Variants in AP1S2 observed in about 807,000 individuals in gnomAD.
The protein encoded by AP1S2 is adaptor related protein complex 1 subunit sigma 2.
In AP1S2, 1 loss-of-function variant was observed where a neutral mutation model predicts 14.3. That is an observed-to-expected ratio of 0.07 (90% confidence interval 0.02 to 0.33). The LOEUF (loss-of-function observed/expected upper bound fraction) is 0.33, where lower values mean the gene tolerates loss of function less well. AP1S2 is among the 10% of genes least tolerant of loss of function. AP1S2 has a pLI of 0.99. For missense variants in AP1S2, 30 were observed against 117.7 expected (o/e 0.25, Z 3.45); for synonymous variants, 30 against 40.5 (o/e 0.74, Z 0.99).
intron 2 of AP1S2, 124 bp downstream of exon 2, chrX:15,852,222 T>G: frequency 1.5e-6 from 1 of 668,082 alleles, no homozygotes; most frequent in South Asian, 2.8e-5. Context: ...AAGCTTTACC[T>G]TAAACCTATT....
In AP1S2 at chrX:15,827,323, A is replaced by T. The variant is rs1392385439; in HGVS notation, c.*2T>A. On this transcript the variant is annotated 3_prime_UTR_variant, in exon 6 of 6. Transcript: ENST00000672987. ...CAAGAAGTCATCAACAAGGGAGGAGAGTTATGTCAGTCCAATTTCTTCAAG... is the reference window on the plus strand; with the variant it reads ...CAAGAAGTCATCAACAAGGGAGGAGTGTTATGTCAGTCCAATTTCTTCAAG... 3.3e-6 allele frequency: 4 copies of T among 1,205,493 alleles called. No homozygotes were observed. In the Middle Eastern group the frequency reaches 6.9e-4, roughly 209 times the overall value.
chrX:15,840,720 C>T (rs1031661678), intron 4 of AP1S2: 17 of 279,873 alleles, frequency 6.1e-5, no homozygotes, highest in African/African-American at 3.7e-4. Flanking sequence ...CCACCCCCCA[C>T]CATATCCCTC....
At chrX:15,844,665 G>A (rs1029275549) in intron 4 of AP1S2, among the ~76,000 whole-genome samples, 35 of 112,227 alleles carry the variant, frequency 3.1e-4, no homozygotes, top group Non-Finnish European at 5.1e-4. Flanking sequence ...GAAATGTTAA[G>A]CTTCAGAAAT....
At chrX:15,848,238 A>G (rs761484262) in intron 2 of AP1S2, among the ~76,000 whole-genome samples, 56 of 111,904 alleles carry the variant, frequency 5.0e-4, no homozygotes, top group African/African-American at 1.8e-3. Context: ...CAGAAACATA[A>G]TAATTAAGTA....
chrX:15,834,857 T>A (rs1200479706), intron 4 of AP1S2, among the ~76,000 whole-genome samples: 1 of 109,836 alleles, frequency 9.1e-6, no homozygotes, highest in Non-Finnish European at 1.9e-5. Flanking sequence ...TTCCCCTGCA[T>A]GAAGAAAAAT....
chrX:15,834,481 A>T (rs368318366), intron 4 of AP1S2, among the ~76,000 whole-genome samples: 997 of 12,880 alleles, frequency 0.077, 21 homozygotes, highest in Non-Finnish European at 0.097. Flanking sequence ...TATATATATA[A>T]TTTTTTTTTT....
At chrX:15,842,691 C>CGATG (rs967522205) in intron 4 of AP1S2, among the ~76,000 whole-genome samples, 3 of 112,187 alleles carry the variant, frequency 2.7e-5, no homozygotes, top group African/African-American at 9.7e-5. Context: ...ACCAACCATA[C>CGATG]TCATCCTATG....
chrX:15,847,615 A>G (rs1934039587), intron 2 of AP1S2, among the ~76,000 whole-genome samples: 1 of 112,227 alleles, frequency 8.9e-6, no homozygotes, highest in Admixed American at 9.4e-5. Context: ...ATCAATGCCA[A>G]CTTTAACAAA....
rs779620700 is a variant in AP1S2, at chrX:15,851,115, TAAAAC to T, written c.179+1226_179+1230del. Among the ~76,000 whole-genome samples, 784 of 111,574 alleles carry T rather than the reference TAAAAC, an allele frequency of 7.0e-3. 2 individuals carry two copies. The highest frequency in any genetic ancestry group is 0.011 in the Non-Finnish European group (560 of 53,125). ...GGTTCTACCCATGGGGCAAAAAGCT[TAAAAC>T]AAAACAAAACAAAACAAAATCACCT... On this transcript the variant is annotated intron_variant, in intron 2 of 5. Transcript: ENST00000672987.
At chrX:15,835,702 G>A (rs1169769139) in intron 4 of AP1S2, among the ~76,000 whole-genome samples, 1 of 111,055 alleles carries the variant, frequency 9.0e-6, no homozygotes, top group African/African-American at 3.3e-5. Flanking sequence ...TTTACGTGCT[G>A]AAACTTTATT....
rs978676009 is a variant in AP1S2, at chrX:15,828,280, A to G, written c.427-80T>C. On this transcript the variant is annotated intron_variant, in intron 4 of 5. Coordinates refer to ENST00000672987, the MANE Select transcript of AP1S2 (RefSeq NM_001272071.2). ...TCTTTAGAATATTAATTGCATGTAAAGCACTTCATGGTGTAATCTTAAGTA... is the reference window on the plus strand; with the variant it reads ...TCTTTAGAATATTAATTGCATGTAAGGCACTTCATGGTGTAATCTTAAGTA... 3.9e-6 allele frequency: 3 copies of G among 773,604 alleles called. No homozygotes were observed. The Admixed American group carries it at 1.1e-4, about 30-fold the overall frequency. The allele number at this position is 773,604 out of a possible 1,213,427, so 63.8% of individuals were successfully genotyped here. A position where few individuals can be genotyped will look rare whatever the true frequency, so the allele number is the denominator to read the frequency against.
rs1933470652 is a variant in AP1S2, at chrX:15,832,629, T to C, written c.427-4429A>G. ...TTTCTCACAGAAGCTCTCATTTTCA[T>C]AGGGAAATTCTTCTGTATCAATGGC... On this transcript the variant is annotated intron_variant, in intron 4 of 5. Coordinates refer to ENST00000672987, the MANE Select transcript of AP1S2 (RefSeq NM_001272071.2). The C allele has an allele frequency of 2.1e-5, 16 of 761,898 alleles. No homozygotes were observed. In the South Asian group the frequency reaches 8.3e-4, roughly 39 times the overall value. The allele number at this position is 761,898 out of a possible 1,213,427, so 62.8% of individuals were successfully genotyped here. A position where few individuals can be genotyped will look rare whatever the true frequency, so the allele number is the denominator to read the frequency against.
intron 4 of AP1S2, chrX:15,830,026 T>C: frequency 2.9e-6 from 2 of 684,268 alleles, no homozygotes; most frequent in Non-Finnish European, 1.7e-6. Flanking sequence ...TTATGAGGGA[T>C]GGAAAAGAAA....
At position 15,846,384 on chromosome X, in the gene AP1S2, C is replaced by G. The variant is rs142652104; in HGVS notation, c.180-373G>C. Among the ~76,000 whole-genome samples the G allele has an allele frequency of 4.6e-4, 52 of 111,832 alleles. 1 individual carries two copies. In the East Asian group the frequency reaches 0.013, roughly 28 times the overall value. ...TGTAAGTACAGAGAAGAAAACAAAC[C>G]TTCCAACTGAAGGAGGACTTGTTGA... is the stretch of plus-strand genomic sequence containing the variant. On this transcript the variant is annotated intron_variant, in intron 2 of 5. Coordinates refer to ENST00000672987, the MANE Select transcript of AP1S2 (RefSeq NM_001272071.2).
At position 15,854,763 on chromosome X, in the gene AP1S2, G is replaced by T. The variant is rs983855489; in HGVS notation, c.-76C>A. The stretch of plus-strand genomic sequence containing the variant: ...CGGCGAAGGGGAAGCCCCTGTCGCC[G>T]TGCTGAGGAAGAGAAGCCGTGGTGC... On this transcript the variant is annotated 5_prime_UTR_variant, in exon 1 of 6. Coordinates refer to ENST00000672987, the MANE Select transcript of AP1S2 (RefSeq NM_001272071.2). 3 of 816,983 alleles carry T rather than the reference G, an allele frequency of 3.7e-6. No homozygotes were observed. The highest frequency in any genetic ancestry group is 4.4e-6 in the Non-Finnish European group (3 of 676,807). 67.3% of individuals were successfully genotyped at this position (816,983 alleles called of 1,213,427 possible). A position where few individuals can be genotyped will look rare whatever the true frequency, so the allele number is the denominator to read the frequency against.
intron 5 of AP1S2, among the ~76,000 whole-genome samples, chrX:15,827,583 CCTG>C (rs1404526644): frequency 8.9e-6 from 1 of 111,835 alleles, no homozygotes; most frequent in African/African-American, 3.2e-5. Flanking sequence ...TCATTAAGTA[CCTG>C]CTAATTACCT....
intron 4 of AP1S2, among the ~76,000 whole-genome samples, chrX:15,834,446 A>G (rs1169632316): frequency 4.6e-5 from 1 of 21,881 alleles, no homozygotes; most frequent in African/African-American, 2.5e-4. Context: ...CAAAATATAT[A>G]TATATATATA....
intron 4 of AP1S2, 26 bp from the exon 5 acceptor site, chrX:15,828,226 GGAGAA>G (rs1451747870): frequency 1.8e-5 from 19 of 1,084,250 alleles, no homozygotes; most frequent in Admixed American, 3.0e-5. Flanking sequence ...CACAAAGCAA[GGAGAA>G]GAGAAATTAT....
chrX:15,833,550 TA>T, intron 4 of AP1S2: 7 of 788,150 alleles, frequency 8.9e-6, no homozygotes, highest in Non-Finnish European at 1.1e-5. Flanking sequence ...ATAAATGTAT[TA>T]TTTTTACCAT....
Sources: gnomAD v4.1 joint callset for allele counts (sites outside exome capture counted in the v4.1 genomes callset) on GRCh38, gnomAD v4.1.1 for gene constraint, MANE v1.5 for transcripts, NCBI Gene and HGNC (gene_info 2026-07-23, HGNC 2026-07-21) for gene names.